Variants in FUCA1 observed in about 807,000 individuals in gnomAD.
FUCA1 encodes tissue alpha-L-fucosidase.
FUCA1 carries 52 observed loss-of-function variants against 56.8 expected under a neutral mutation model. That is an observed-to-expected ratio of 0.92 (90% CI 0.73 to 1.15). The LOEUF is 1.15. Among genes scored for constraint, FUCA1 ranks in the 50% most tolerant of loss-of-function variants. The pLI is 0.00. For missense variants in FUCA1, 568 were observed against 592.6 expected, an observed-to-expected ratio of 0.96 and a Z score of 0.43; for synonymous variants, 230 against 226.6, an observed-to-expected ratio of 1.02 and a Z score of -0.14.
rs148865554 is a variant in FUCA1 at position 23,850,932 on chromosome 1, T to G, written c.970-2093A>C. Among the ~76,000 whole-genome samples the G allele has an allele frequency of 3.5e-4, 53 of 152,096 alleles. 1 individual carries two copies. Among genetic ancestry groups the G allele is most frequent in the African/African-American group, 1.3e-3 (52 of 41,468 alleles). On this transcript the variant is annotated intron_variant, in intron 5 of 7. Transcript: ENST00000374479. ...GAGCCACCACCATGCCCAGCCAATA[T>G]GTAACTTTATTAAAAATAATAATAA...
At position 23,865,513 on chromosome 1, in the gene FUCA1, A is replaced by G. The variant is rs147389792; in HGVS notation, c.502T>C (p.Leu168=). Residue 168 remains leucine (L), a synonymous_variant, in exon 2 of 8, where the codon TTG becomes CTG. Transcript: ENST00000374479. ...VGPHRDLVGE[L]GTALRKRNIR... ...CACCTCTTCCGGAGAGCTGTTCCCA[A>G]TTCACCAACCAAATCCCGATGAGGC... The G allele has an allele frequency of 6.7e-5, 108 of 1,614,204 alleles. No individual in the cohort carries two copies. The African/African-American group carries it at 1.2e-3, about 18-fold the overall frequency.
Position 23,845,436 on chromosome 1 carries a change from T to G in FUCA1, c.*279A>C. On this transcript the variant is annotated 3_prime_UTR_variant, in exon 8 of 8. Transcript: ENST00000374479. The stretch of plus-strand genomic sequence containing the variant: ...ATCAGAGAACAGAGGGAAGATTCCA[T>G]TGTAGATAATTTCCAAATATTACAA... 2.1e-6 allele frequency: 1 copy of G among 469,992 alleles called. No individual in the cohort carries two copies. The highest frequency in any genetic ancestry group is 3.9e-6 in the Non-Finnish European group (1 of 256,658). The allele number at this position is 469,992 out of a possible 1,614,324, so 29.1% of individuals were successfully genotyped here. A position where few individuals can be genotyped will look rare whatever the true frequency, so the allele number is the denominator to read the frequency against.
At chr1:23,846,850 C>T (rs548125059) in intron 6 of FUCA1, among the ~76,000 whole-genome samples, 3 of 152,136 alleles carry the variant, frequency 2.0e-5, no homozygotes, top group Admixed American at 2.0e-4. Flanking sequence ...CCAAAGTGTT[C>T]GGATTACAGG....
intron 4 of FUCA1, among the ~76,000 whole-genome samples, chr1:23,859,569 TAA>T (rs761818444): frequency 3.9e-5 from 5 of 128,986 alleles, no homozygotes; most frequent in Admixed American, 7.8e-5. Context: ...CTGTCTCAAT[TAA>T]AAAAAAAAAA....
intron 4 of FUCA1, among the ~76,000 whole-genome samples, chr1:23,856,557 C>A (rs938276151): frequency 1.3e-5 from 2 of 152,124 alleles, no homozygotes; most frequent in South Asian, 2.1e-4. Context: ...GCTTAGCATG[C>A]GGCATGCTAC....
chr1:23,855,516 A>ACAAAAT (rs1237760584), intron 4 of FUCA1, among the ~76,000 whole-genome samples: 6 of 152,228 alleles, frequency 3.9e-5, no homozygotes, highest in African/African-American at 1.4e-4. Context: ...AAAAACAAAA[A>ACAAAAT]CAAAACTGAA....
intron 4 of FUCA1, 125 bp from the exon 5 acceptor site, chr1:23,854,685 G>T: frequency 1.2e-6 from 1 of 816,838 alleles, no homozygotes. Flanking sequence ...GTCAACTGGG[G>T]GCAATTTTGC....
intron 3 of FUCA1, 104 bp downstream of exon 3, chr1:23,863,030 T>C (rs149568638): frequency 1.1e-4 from 136 of 1,207,052 alleles, no homozygotes; most frequent in Admixed American, 4.1e-4. Context: ...TGATGTCTTT[T>C]AGGTTTTTTT....
In FUCA1 at chr1:23,845,814, TGTGGACCACTTCA is replaced by T. The variant is rs1334038475; in HGVS notation, c.1289_1301del (p.Leu430GlnfsTer27). On this transcript the variant is annotated frameshift_variant, in exon 8 of 8. Coordinates refer to ENST00000374479, the MANE Select transcript of FUCA1 (RefSeq NM_000147.5). LOFTEE classifies it low-confidence loss of function (END_TRUNC). ...AGATGAAGAGACCTTTATCTGGATC[TGTGGACCACTTCA>T]GATCTCCTTGAATTCCCAGCATTGT... The T allele has an allele frequency of 4.3e-6, 7 of 1,614,050 alleles. No individual in the cohort carries two copies. In the African/African-American group the frequency reaches 9.3e-5, roughly 22 times the overall value.
intron 2 of FUCA1, 107 bp downstream of exon 2, chr1:23,865,384 C>T: frequency 1.4e-6 from 2 of 1,455,092 alleles, no homozygotes; most frequent in Non-Finnish European, 1.9e-6. Context: ...GCCCTTCAGG[C>T]TACTTGCTAT....
intron 3 of FUCA1, among the ~76,000 whole-genome samples, chr1:23,860,532 C>T (rs1484895271): frequency 6.9e-6 from 1 of 144,316 alleles, no homozygotes; most frequent in East Asian, 2.1e-4. Context: ...TGCAGTGAGC[C>T]GAGATTGCGC....
chr1:23,851,614 C>T (rs1038552488), intron 5 of FUCA1, among the ~76,000 whole-genome samples: 2 of 151,972 alleles, frequency 1.3e-5, no homozygotes, highest in African/African-American at 4.8e-5. Flanking sequence ...GAGAATGTGT[C>T]CTTTGCAGGG....
chr1:23,858,011 C>G (rs1268434121), intron 4 of FUCA1, among the ~76,000 whole-genome samples: 5 of 151,388 alleles, frequency 3.3e-5, no homozygotes, highest in Admixed American at 3.3e-4. Flanking sequence ...CATATAGAAT[C>G]TGTTTTTTTC....
intron 5 of FUCA1, among the ~76,000 whole-genome samples, chr1:23,850,437 A>T (rs1025112597): frequency 6.6e-6 from 1 of 151,424 alleles, no homozygotes; most frequent in East Asian, 1.9e-4. Context: ...AGTTAATTTT[A>T]TATAGTTGTA....
chr1:23,859,096 A>G lies in FUCA1; in HGVS notation c.768+702T>C, dbSNP rs763715024. Among the ~76,000 whole-genome samples, 26 of 151,414 alleles carry G rather than the reference A, an allele frequency of 1.7e-4. 1 individual carries two copies. Among genetic ancestry groups the G allele is most frequent in the Non-Finnish European group, 2.4e-4 (16 of 67,820 alleles). ...TATGCTTGGCCTGTATGTCTTTTAT[A>G]TGTTTTCTTTGTATTTTATTATATG... On this transcript the variant is annotated intron_variant, in intron 4 of 7. Transcript: ENST00000374479.
At chr1:23,862,779 G>A (rs986791809) in intron 3 of FUCA1, among the ~76,000 whole-genome samples, 2 of 152,202 alleles carry the variant, frequency 1.3e-5, no homozygotes, top group Non-Finnish European at 2.9e-5. Context: ...TTTAAGGCAT[G>A]TAAGTAACAG....
rs1382161016 is a variant in FUCA1 at position 23,867,824 on chromosome 1, G to A, written c.389+74C>T. The A allele has an allele frequency of 2.7e-5, 39 of 1,468,200 alleles. No homozygotes were observed. Among genetic ancestry groups the A allele is most frequent in the Middle Eastern group, 4.9e-4 (2 of 4,090 alleles). The allele number at this position is 1,468,200 out of a possible 1,614,324, so 90.9% of individuals were successfully genotyped here. A position where few individuals can be genotyped will look rare whatever the true frequency, so the allele number is the denominator to read the frequency against. ...GGGCGACCGGCAGCTGCGCGCCCCA[G>A]CTGGCCGCCCAGCCCCACCTCCTGT... On this transcript the variant is annotated intron_variant, in intron 1 of 7. Transcript: ENST00000374479. The surrounding 1 kb of genome is among the most constrained non-coding windows in gnomAD (Gnocchi z 4.9).
At chr1:23,853,216 G>A (rs928865173) in intron 5 of FUCA1, among the ~76,000 whole-genome samples, 21 of 149,846 alleles carry the variant, frequency 1.4e-4, no homozygotes, top group Non-Finnish European at 3.0e-4. Context: ...CCCCATCTGA[G>A]AAGTGAGGAA....
chr1:23,852,078 G>GTAATAATAATAATAATAATAA (rs1410102992), intron 5 of FUCA1, among the ~76,000 whole-genome samples: 1,749 of 145,098 alleles, frequency 0.012, 18 homozygotes, highest in Middle Eastern at 0.025. Flanking sequence ...ATGTTAGAAG[G>GTAATAATAATAATAATAATAA]TAATAATAAT....
Sources: gnomAD v4.1 joint callset for allele counts (sites outside exome capture counted in the v4.1 genomes callset) on GRCh38, gnomAD v4.1.1 for gene constraint, Gnocchi (gnomAD v3.1) non-coding constraint, MANE v1.5 for transcripts, NCBI Gene and HGNC (gene_info 2026-07-23, HGNC 2026-07-21) for gene names.